Variants in NFKB1 observed in about 807,000 individuals in gnomAD.
NFKB1 encodes the protein nuclear factor kappa B subunit 1.
A neutral mutation model predicts 105.1 loss-of-function variants in NFKB1; 9 were observed. That is an observed-to-expected ratio of 0.09 (90% confidence interval 0.05 to 0.15). The LOEUF is 0.15. NFKB1 is among the 10% of genes least tolerant of loss of function. The pLI, the probability that NFKB1 is intolerant of heterozygous loss-of-function variation, is 1.00. For missense variants in NFKB1, 830 were observed against 1,203.7 expected (o/e 0.69, Z 4.59); for synonymous variants, 440 against 442.2 (o/e 1.00, Z 0.06).
At chr4:102,564,796 T>C (rs1450141334) in intron 5 of NFKB1, among the ~76,000 whole-genome samples, 1 of 152,208 alleles carries the variant, frequency 6.6e-6, no homozygotes, top group African/African-American at 2.4e-5. Flanking sequence ...TTGGAAAGCC[T>C]AGCTGATTTC....
chr4:102,596,664 C>G (rs1020611377), intron 14 of NFKB1, among the ~76,000 whole-genome samples: 6 of 152,048 alleles, frequency 3.9e-5, no homozygotes, highest in African/African-American at 1.4e-4. Flanking sequence ...TTAATAGTCA[C>G]CCTGTCTAGA....
intron 1 of NFKB1, chr4:102,503,596 T>C (rs1739227487): frequency 6.6e-6 from 1 of 152,164 alleles, no homozygotes; most frequent in South Asian, 2.1e-4. Flanking sequence ...GCTGAGTAAA[T>C]GCCCGTGTTT....
intron 11 of NFKB1, 98 bp downstream of exon 11, chr4:102,584,918 G>A: frequency 8.2e-7 from 1 of 1,219,810 alleles, no homozygotes; most frequent in Non-Finnish European, 1.1e-6. Flanking sequence ...GTCTGACTCT[G>A]TTGCCCAGGC....
intron 20 of NFKB1, 101 bp downstream of exon 20, chr4:102,610,800 C>T (rs1254220062): frequency 2.6e-5 from 35 of 1,369,050 alleles, no homozygotes; most frequent in South Asian, 1.7e-4. Flanking sequence ...CCCCAAAGAA[C>T]ATGCCTTTTA....
chr4:102,517,052 TAGGTTTTGC>T (rs781061703), intron 1 of NFKB1, among the ~76,000 whole-genome samples: 8 of 152,180 alleles, frequency 5.3e-5, no homozygotes, highest in Non-Finnish European at 7.4e-5. Flanking sequence ...TGTTTTCTAT[TAGGTTTTGC>T]AGGGTCTTGT....
At chr4:102,568,592 A>G (rs1271412453) in intron 6 of NFKB1, among the ~76,000 whole-genome samples, 2 of 152,220 alleles carry the variant, frequency 1.3e-5, no homozygotes, top group African/African-American at 2.4e-5. Context: ...TTTAATCCCT[A>G]TTATAATCAT....
intron 11 of NFKB1, among the ~76,000 whole-genome samples, chr4:102,592,065 G>A (rs1438519960): frequency 6.6e-6 from 1 of 152,228 alleles, no homozygotes; most frequent in Non-Finnish European, 1.5e-5. Flanking sequence ...GCAAGAGAAT[G>A]AGAGTGAGAA....
intron 22 of NFKB1, among the ~76,000 whole-genome samples, chr4:102,612,809 C>A (rs1032357970): frequency 6.6e-6 from 1 of 152,112 alleles, no homozygotes; most frequent in Non-Finnish European, 1.5e-5. Context: ...AGATTTTCCC[C>A]GTTTTCAAAT....
chr4:102,574,943 G>A (rs1724692162), intron 6 of NFKB1, among the ~76,000 whole-genome samples: 1 of 152,180 alleles, frequency 6.6e-6, no homozygotes, highest in South Asian at 2.1e-4. Context: ...AGTGTAAGAT[G>A]CTACACAGAT....
chr4:102,612,707 G>T lies in NFKB1; in HGVS notation c.2592+101G>T, dbSNP rs1213513531. 3.4e-6 allele frequency: 4 copies of T among 1,188,798 alleles called. No homozygotes were observed. In the African/African-American group the frequency reaches 4.6e-5, roughly 14 times the overall value. The allele number at this position is 1,188,798 out of a possible 1,614,324, so 73.6% of individuals were successfully genotyped here. A position where few individuals can be genotyped will look rare whatever the true frequency, so the allele number is the denominator to read the frequency against. ...TCCTTCCCTTTTCCTTAACTCTGAA[G>T]AAGAAAACCAGTCATTGCCCAAGGC... is the stretch of plus-strand genomic sequence containing the variant. On this transcript the variant is annotated intron_variant, in intron 22 of 23. Coordinates refer to ENST00000226574, the MANE Select transcript of NFKB1 (RefSeq NM_003998.4).
At chr4:102,538,288 G>A (rs191930090) in intron 5 of NFKB1, among the ~76,000 whole-genome samples, 1 of 152,144 alleles carries the variant, frequency 6.6e-6, no homozygotes, top group Admixed American at 6.5e-5. Context: ...ACTCTTTGGA[G>A]ATTTAGTGAA....
intron 16 of NFKB1, among the ~76,000 whole-genome samples, chr4:102,601,488 G>T (rs543278572): frequency 6.6e-6 from 1 of 152,212 alleles, no homozygotes; most frequent in Non-Finnish European, 1.5e-5. Flanking sequence ...GGAGGAAAAG[G>T]TGTCTTTCAA....
Position 102,612,423 on chromosome 4 carries a change from A to G in NFKB1, c.2420-11A>G, listed in dbSNP as rs1225752804. The G allele has an allele frequency of 6.2e-7, 1 of 1,610,822 alleles. No individual in the cohort carries two copies. Among genetic ancestry groups the G allele is most frequent in the African/African-American group, 1.3e-5 (1 of 74,840 alleles). Reference sequence around the variant, plus strand: ...GTTAGAACAAGTGTGTTCCTTCTTCATTTCCTTCAGGAGACATGAAACAGC... The same window carrying G: ...GTTAGAACAAGTGTGTTCCTTCTTCGTTTCCTTCAGGAGACATGAAACAGC... On this transcript the variant is annotated splice_polypyrimidine_tract_variant and intron_variant, in intron 21 of 23. Transcript: ENST00000226574.
At chr4:102,525,132 C>T (rs1740825356) in intron 1 of NFKB1, among the ~76,000 whole-genome samples, 1 of 152,124 alleles carries the variant, frequency 6.6e-6, no homozygotes, top group South Asian at 2.1e-4. Flanking sequence ...GAAAACAATA[C>T]ACTTAAGGAA....
Position 102,515,923 on chromosome 4 carries a change from G to A in NFKB1, c.-7-9589G>A, listed in dbSNP as rs139943339. ...GAACTTCTTTTTAGCATGTCTTTTA[G>A]CAGGTCTGCTGGTGATGAATACTCT... On this transcript the variant is annotated intron_variant, in intron 1 of 23. Coordinates refer to ENST00000226574, the MANE Select transcript of NFKB1 (RefSeq NM_003998.4). 2.5e-3 allele frequency among the ~76,000 whole-genome samples: 381 copies of A among 152,198 alleles called. 2 individuals carry two copies. The highest frequency in any genetic ancestry group is 8.5e-3 in the African/African-American group (354 of 41,526).
intron 4 of NFKB1, among the ~76,000 whole-genome samples, chr4:102,534,549 T>C (rs2149124206): frequency 6.6e-6 from 1 of 152,276 alleles, no homozygotes; most frequent in East Asian, 1.9e-4. Context: ...TGGATATTTA[T>C]AGGAAATTGG....
chr4:102,576,863 G>GT lies in NFKB1; in HGVS notation c.408-7dup, dbSNP rs891658460. On this transcript the variant is annotated splice_polypyrimidine_tract_variant and intron_variant, in intron 6 of 23. Transcript: ENST00000226574. ...GGTTGTTGTTGCTGCTGCTGTTACT[G>GT]TTTTTTCTCCAGCTTCGCAAACCTG... 9 of 1,600,472 alleles carry GT rather than the reference G, an allele frequency of 5.6e-6. No individual in the cohort carries two copies. Among genetic ancestry groups the GT allele is most frequent in the Non-Finnish European group, 7.7e-6 (9 of 1,174,660 alleles).
chr4:102,507,472 AT>A (rs1385069143), intron 1 of NFKB1, among the ~76,000 whole-genome samples: 1 of 150,258 alleles, frequency 6.7e-6, no homozygotes, highest in South Asian at 2.1e-4. Flanking sequence ...TTTATTTTTT[AT>A]TTTTTTTCAG....
Position 102,529,877 on chromosome 4 carries a change from T to C in NFKB1, c.81T>C (p.Asn27=). The change falls in exon 3 of 24, where the codon AAT becomes AAC. Residue 27 remains asparagine (N), a synonymous_variant. Coordinates refer to ENST00000226574, the MANE Select transcript of NFKB1 (RefSeq NM_003998.4). ...CTTCTTTGACTCATACAATATTTAA[T>C]CCAGAAGTATTTCAACCACAGATGG... The part of the protein sequence containing the change: ...LDPSLTHTIF[N]PEVFQPQMAL... The C allele has an allele frequency of 1.2e-6, 2 of 1,610,568 alleles. No homozygotes were observed.
Sources: gnomAD v4.1 joint callset for allele counts (sites outside exome capture counted in the v4.1 genomes callset) on GRCh38, gnomAD v4.1.1 for gene constraint, MANE v1.5 for transcripts, NCBI Gene and HGNC (gene_info 2026-07-23, HGNC 2026-07-21) for gene names.